FOXJ3: variants seen among roughly 807,000 people sequenced by gnomAD.
FOXJ3 encodes the protein forkhead box protein J3.
Under a neutral mutation model 76.1 loss-of-function variants are expected in FOXJ3, and 22 were observed. The ratio of observed to expected loss-of-function variants is 0.29; its 90% CI spans 0.21 to 0.41. The LOEUF is 0.41. Among genes scored for constraint, FOXJ3 ranks in the 10% least tolerant of loss-of-function variants. FOXJ3 has a pLI of 1.00. For synonymous variants in FOXJ3, 269 were observed against 261.2 expected, an observed-to-expected ratio of 1.03 and a Z score of -0.29; for missense variants, 613 against 762.1, an observed-to-expected ratio of 0.80 and a Z score of 2.30.
At chr1:42,198,282 A>T (rs1225491882) in intron 7 of FOXJ3, among the ~76,000 whole-genome samples, 2 of 152,138 alleles carry the variant, frequency 1.3e-5, no homozygotes, top group African/African-American at 4.8e-5. Context: ...AATTTTGCAG[A>T]GGCAACTTTT....
chr1:42,262,830 C>T (rs1651156615), intron 4 of FOXJ3, among the ~76,000 whole-genome samples: 1 of 152,198 alleles, frequency 6.6e-6, no homozygotes, highest in Non-Finnish European at 1.5e-5. Flanking sequence ...GCCTGGGCAA[C>T]AGAGTGAGAC....
chr1:42,204,057 C>A (rs2124308173), intron 6 of FOXJ3, among the ~76,000 whole-genome samples: 1 of 151,942 alleles, frequency 6.6e-6, no homozygotes, highest in East Asian at 1.9e-4. Context: ...GCTCTGCAAC[C>A]CCTGGCTCTT....
chr1:42,292,045 T>G (rs1570173002), intron 2 of FOXJ3, among the ~76,000 whole-genome samples: 1 of 148,854 alleles, frequency 6.7e-6, no homozygotes, highest in East Asian at 2.0e-4. Context: ...AGGAGGGGGG[T>G]GCAAGGCCAG....
At chr1:42,304,113 G>C (rs1173454638) in intron 2 of FOXJ3, among the ~76,000 whole-genome samples, 1 of 151,932 alleles carries the variant, frequency 6.6e-6, no homozygotes, top group African/African-American at 2.4e-5. Context: ...TATGCCAAGA[G>C]TGAACAATCC....
chr1:42,318,859 A>G (rs1655271234), intron 1 of FOXJ3, among the ~76,000 whole-genome samples: 1 of 152,210 alleles, frequency 6.6e-6, no homozygotes, highest in East Asian at 1.9e-4. Flanking sequence ...GAAATTCTAT[A>G]CCCAAGAAAT....
intron 3 of FOXJ3, among the ~76,000 whole-genome samples, chr1:42,273,674 CAAAA>C (rs35528514): frequency 3.5e-5 from 3 of 86,326 alleles, no homozygotes; most frequent in Admixed American, 1.5e-4. Flanking sequence ...CACTCCATCT[CAAAA>C]AAAAAAAAAA....
chr1:42,206,447 C>G (rs984600097), intron 5 of FOXJ3, among the ~76,000 whole-genome samples: 1 of 152,006 alleles, frequency 6.6e-6, no homozygotes, highest in African/African-American at 2.4e-5. Context: ...GGGAAAATAC[C>G]GGAAAAACAG....
intron 5 of FOXJ3, among the ~76,000 whole-genome samples, chr1:42,223,055 C>T (rs1647283558): frequency 1.3e-5 from 2 of 152,312 alleles, no homozygotes; most frequent in South Asian, 2.1e-4. Flanking sequence ...AATTATGTGT[C>T]TTACGTCTTA....
chr1:42,269,981 C>T (rs904093840), intron 3 of FOXJ3, among the ~76,000 whole-genome samples: 2 of 152,104 alleles, frequency 1.3e-5, no homozygotes, highest in African/African-American at 2.4e-5. Flanking sequence ...TTTGGTGTTA[C>T]CCCTTAACTT....
chr1:42,251,706 A>ATTTTTTTTTTTTTT (rs1168120638), intron 4 of FOXJ3, among the ~76,000 whole-genome samples: 1 of 87,566 alleles, frequency 1.1e-5, no homozygotes, highest in African/African-American at 4.9e-5. Context: ...GTTTGCCAGT[A>ATTTTTTTTTTTTTT]TTTTTTTTTT....
intron 4 of FOXJ3, among the ~76,000 whole-genome samples, 176 bp from the exon 5 acceptor site, chr1:42,228,142 T>C (rs911590422): frequency 2.0e-5 from 3 of 152,186 alleles, no homozygotes; most frequent in African/African-American, 7.2e-5. Flanking sequence ...TATCCACTTA[T>C]AATTACATTA....
chr1:42,297,545 A>C (rs993579225), intron 2 of FOXJ3, among the ~76,000 whole-genome samples: 16 of 152,132 alleles, frequency 1.1e-4, no homozygotes, highest in African/African-American at 3.4e-4. Flanking sequence ...GTTTGGTTCT[A>C]TTTATGTGGT....
rs140143851 is a variant in FOXJ3, at chr1:42,291,063, T to C, written c.45-12391A>G. On this transcript the variant is annotated intron_variant, in intron 2 of 12. Transcript: ENST00000361346. Reference sequence around the variant, plus strand: ...ATAGATAGATAGATAGATAGATAGATAGATAGATAGATAGATAGATAGACA... The same window carrying C: ...ATAGATAGATAGATAGATAGATAGACAGATAGATAGATAGATAGATAGACA... Among the ~76,000 whole-genome samples the C allele has an allele frequency of 5.7e-4, 70 of 123,198 alleles. 1 individual carries two copies. The East Asian group carries it at 7.6e-3, about 13-fold the overall frequency. The allele number at this position is 123,198 out of a possible 152,430, so 80.8% of individuals were successfully genotyped here.
At chr1:42,236,474 C>T (rs1010122959) in intron 4 of FOXJ3, among the ~76,000 whole-genome samples, 1 of 152,298 alleles carries the variant, frequency 6.6e-6, no homozygotes, top group Admixed American at 6.5e-5. Context: ...GGATTACAGG[C>T]ATGAGCCATC....
At chr1:42,222,107 A>AGAAGAAGAAGAAGAAGAG in intron 5 of FOXJ3, among the ~76,000 whole-genome samples, 1 of 149,062 alleles carries the variant, frequency 6.7e-6, no homozygotes, top group African/African-American at 2.5e-5. Context: ...AAGAAGAAGA[A>AGAAGAAGAAGAAGAAGAG]GAAATAAAAA....
chr1:42,199,068 T>C, intron 7 of FOXJ3, 34 bp downstream of exon 7: 1 of 1,561,610 alleles, frequency 6.4e-7, no homozygotes, highest in Non-Finnish European at 8.8e-7. Flanking sequence ...ACTAAATGAA[T>C]AACTATTAAC....
rs146708286 is a variant in FOXJ3, at chr1:42,237,389, T to C, written c.445-9423A>G. Among the ~76,000 whole-genome samples the C allele has an allele frequency of 8.7e-3, 1,024 of 117,210 alleles. 20 individuals carry two copies. The highest frequency in any genetic ancestry group is 0.03 in the African/African-American group (982 of 32,528). 76.9% of individuals were successfully genotyped at this position (117,210 alleles called of 152,430 possible). ...GACTCCATCTCAAAAAATATATATATATACATACATACATACATATATATA... is the reference window on the plus strand; with the variant it reads ...GACTCCATCTCAAAAAATATATATACATACATACATACATACATATATATA... On this transcript the variant is annotated intron_variant, in intron 4 of 12. Transcript: ENST00000361346.
At chr1:42,231,007 T>C (rs2124472350) in intron 4 of FOXJ3, among the ~76,000 whole-genome samples, 1 of 152,204 alleles carries the variant, frequency 6.6e-6, no homozygotes, top group Non-Finnish European at 1.5e-5. Flanking sequence ...GGAGTATTAC[T>C]CAACCTTAAA....
chr1:42,220,278 A>C (rs1647154274), intron 5 of FOXJ3, among the ~76,000 whole-genome samples: 1 of 152,114 alleles, frequency 6.6e-6, no homozygotes, highest in Admixed American at 6.5e-5. Flanking sequence ...AAAAACATAC[A>C]CCGTGAGTCT....
Sources: allele counts gnomAD v4.1 joint callset (sites outside exome capture counted in the v4.1 genomes callset), GRCh38; gene constraint gnomAD v4.1.1; transcripts MANE v1.5; gene names NCBI Gene and HGNC (gene_info 2026-07-23, HGNC 2026-07-21).